TAFA1: variants seen among roughly 807,000 people sequenced by gnomAD.
The protein encoded by TAFA1 is chemokine-like protein TAFA-1.
In TAFA1, 4 loss-of-function variants were observed where a neutral mutation model predicts 18.5. That is an observed-to-expected ratio of 0.22 (90% confidence interval 0.11 to 0.49). The LOEUF (loss-of-function observed/expected upper bound fraction) is 0.49, where lower values mean the gene tolerates loss of function less well. Ranked by LOEUF, TAFA1 falls within the 20% of genes least tolerant of loss-of-function variation. The probability of loss-of-function intolerance (pLI) is 0.98; values close to 1 mark genes in which losing one functional copy is unlikely to be tolerated. For synonymous variants in TAFA1, 56 were observed against 55.2 expected, an observed-to-expected ratio of 1.01 and a Z score of -0.06; for missense variants, 147 against 169.0, an observed-to-expected ratio of 0.87 and a Z score of 0.72.
intron 2 of TAFA1, among the ~76,000 whole-genome samples, chr3:68,129,815 GA>G (rs1292585074): frequency 9.9e-4 from 151 of 152,152 alleles, no homozygotes; most frequent in Non-Finnish European, 4.3e-4. Context: ...TGGCCTGAAA[GA>G]AAAAAGTTCC....
At chr3:68,016,952 A>C (rs1443048453) in intron 2 of TAFA1, among the ~76,000 whole-genome samples, 1 of 152,194 alleles carries the variant, frequency 6.6e-6, no homozygotes, top group Non-Finnish European at 1.5e-5. Flanking sequence ...GCACTTTTCC[A>C]CTGGAAAGTG....
intron 2 of TAFA1, among the ~76,000 whole-genome samples, chr3:68,093,708 G>A (rs899455165): frequency 3.9e-5 from 6 of 151,982 alleles, no homozygotes. Context: ...GCTGCTTATG[G>A]CATCCCATAT....
At chr3:68,026,478 A>G (rs1704819654) in intron 2 of TAFA1, among the ~76,000 whole-genome samples, 1 of 152,098 alleles carries the variant, frequency 6.6e-6, no homozygotes, top group South Asian at 2.1e-4. Context: ...CTGATGTAAT[A>G]ATAATACCCA....
rs915380577 is a variant in TAFA1, at chr3:68,493,821, C to A, written c.260-44935C>A. Among the ~76,000 whole-genome samples, 14 of 152,132 alleles carry A rather than the reference C, an allele frequency of 9.2e-5. 1 individual carries two copies. The highest frequency in any genetic ancestry group is 6.6e-4 in the Admixed American group (10 of 15,264). ...ACTTTTATAAGTTTATGACGTTTTC[C>A]TGCCCCATTCCCTGGAGGCTTCATG... On this transcript the variant is annotated intron_variant, in intron 3 of 4. Transcript: ENST00000478136.
At chr3:68,129,231 G>T (rs573388728) in intron 2 of TAFA1, among the ~76,000 whole-genome samples, 56 of 152,282 alleles carry the variant, frequency 3.7e-4, no homozygotes, top group Non-Finnish European at 7.2e-4. Context: ...GGTAAAGCCA[G>T]GATGTAAACC....
chr3:68,536,589 C>T (rs969951858), intron 3 of TAFA1, among the ~76,000 whole-genome samples: 2 of 152,162 alleles, frequency 1.3e-5, no homozygotes, highest in Non-Finnish European at 2.9e-5. Context: ...AGAGCTAACA[C>T]AGGGAGGAGC....
chr3:68,202,131 G>C (rs529007339), intron 2 of TAFA1, among the ~76,000 whole-genome samples: 2 of 151,758 alleles, frequency 1.3e-5, no homozygotes, highest in Admixed American at 1.3e-4. Context: ...TTTCAACAAA[G>C]TTTTGGTGAA....
chr3:68,240,795 C>T (rs1355368841), intron 2 of TAFA1, among the ~76,000 whole-genome samples: 1 of 152,158 alleles, frequency 6.6e-6, no homozygotes, highest in Non-Finnish European at 1.5e-5. Flanking sequence ...CAAAAGAACT[C>T]ATGTATATTC....
chr3:68,503,913 A>G (rs2072704474), intron 3 of TAFA1, among the ~76,000 whole-genome samples: 2 of 152,136 alleles, frequency 1.3e-5, no homozygotes, highest in African/African-American at 4.8e-5. Context: ...AATGACAATT[A>G]CCTTGATCAT....
intron 2 of TAFA1, among the ~76,000 whole-genome samples, chr3:68,325,885 C>T (rs146317570): frequency 3.9e-4 from 59 of 152,244 alleles, no homozygotes; most frequent in African/African-American, 9.4e-4. Context: ...TGCCCAATGA[C>T]GTGTATCTTG....
intron 2 of TAFA1, among the ~76,000 whole-genome samples, chr3:68,139,420 C>T (rs1575639791): frequency 6.6e-6 from 1 of 152,060 alleles, no homozygotes; most frequent in Non-Finnish European, 1.5e-5. Context: ...TATAATTTCC[C>T]AAGAATTCAA....
At chr3:68,060,837 CT>C (rs2064593387) in intron 2 of TAFA1, among the ~76,000 whole-genome samples, 1 of 152,152 alleles carries the variant, frequency 6.6e-6, no homozygotes, top group African/African-American at 2.4e-5. Flanking sequence ...ATTCAATTAG[CT>C]GGCTTTTGAT....
chr3:68,185,224 A>C (rs2066255142), intron 2 of TAFA1, among the ~76,000 whole-genome samples: 1 of 152,160 alleles, frequency 6.6e-6, no homozygotes, highest in Non-Finnish European at 1.5e-5. Flanking sequence ...AGTAGGAGCC[A>C]GTAAAGTGAG....
intron 2 of TAFA1, among the ~76,000 whole-genome samples, chr3:68,294,478 C>T (rs529165147): frequency 2.0e-5 from 3 of 152,246 alleles, no homozygotes; most frequent in East Asian, 3.9e-4. Context: ...TGACAATAAA[C>T]GTTCAACAGT....
chr3:68,143,299 T>G (rs990138222), intron 2 of TAFA1, among the ~76,000 whole-genome samples: 1 of 152,170 alleles, frequency 6.6e-6, no homozygotes, highest in African/African-American at 2.4e-5. Context: ...TTTATGACAG[T>G]CTGGCCACAC....
intron 2 of TAFA1, among the ~76,000 whole-genome samples, chr3:68,224,551 G>A (rs1419407817): frequency 1.3e-5 from 2 of 152,126 alleles, no homozygotes; most frequent in African/African-American, 2.4e-5. Flanking sequence ...TTTGTTTCCT[G>A]AAAGCTTTCT....
chr3:68,338,168 C>T (rs537938615), intron 2 of TAFA1, among the ~76,000 whole-genome samples: 5 of 152,284 alleles, frequency 3.3e-5, no homozygotes, highest in African/African-American at 9.6e-5. Context: ...TGAGGCCATG[C>T]TTTAATTTTT....
intron 3 of TAFA1, among the ~76,000 whole-genome samples, chr3:68,460,992 C>G (rs548333149): frequency 6.6e-6 from 1 of 152,244 alleles, no homozygotes; most frequent in Admixed American, 6.5e-5. Context: ...TCCAAATAAC[C>G]TGGCCATGGC....
At chr3:68,339,425 T>C (rs1488285666) in intron 2 of TAFA1, among the ~76,000 whole-genome samples, 1 of 152,218 alleles carries the variant, frequency 6.6e-6, no homozygotes, top group Non-Finnish European at 1.5e-5. Context: ...TATGGCAATA[T>C]GGATAGTAAT....
Sources: gnomAD v4.1 joint callset for allele counts (sites outside exome capture counted in the v4.1 genomes callset) on GRCh38, gnomAD v4.1.1 for gene constraint, MANE v1.5 for transcripts, NCBI Gene and HGNC (gene_info 2026-07-23, HGNC 2026-07-21) for gene names.